The following GPN1 variants were observed in gnomAD, a reference collection of about 807,000 sequenced individuals.
GPN1 encodes the protein ATP(GTP)-binding protein.
In GPN1, 44 loss-of-function variants were observed where a neutral mutation model predicts 55.9. That is an observed-to-expected ratio of 0.79 (90% CI 0.62 to 1.01). GPN1 has a LOEUF of 1.01. Ranked by LOEUF, GPN1 falls within the 50% of genes least tolerant of loss-of-function variation. The pLI is 0.00. For missense variants in GPN1, 466 were observed against 462.8 expected (o/e 1.01, Z -0.06); for synonymous variants, 179 against 162.5 (o/e 1.10, Z -0.77).
Position 27,631,061 on chromosome 2 carries a change from G to T in GPN1, c.240G>T (p.Met80Ile). Residue 80 changes from methionine (M) to isoleucine (I), a missense_variant, in exon 3 of 14, where the codon ATG becomes ATT. Coordinates refer to ENST00000610189, the MANE Select transcript of GPN1 (RefSeq NM_007266.4). ...ATACTGTAAAGTATAAAGAAGTAAT[G>T]AAACAGTATCCTTTTCCATCTACTT... is the stretch of plus-strand genomic sequence containing the variant. The part of the protein sequence containing the change: ...IRDTVKYKEV[M>I]KQYGLGPNGG... 7.2e-7 allele frequency: 1 copy of T among 1,380,604 alleles called. No individual in the cohort carries two copies. Among genetic ancestry groups the T allele is most frequent in the Non-Finnish European group, 1.0e-6 (1 of 968,980 alleles). 85.5% of individuals were successfully genotyped at this position (1,380,604 alleles called of 1,614,324 possible).
At chr2:27,647,207 C>A (rs1401239308) in intron 12 of GPN1, among the ~76,000 whole-genome samples, 1 of 152,174 alleles carries the variant, frequency 6.6e-6, no homozygotes, top group Non-Finnish European at 1.5e-5. Context: ...CTCATAGGCT[C>A]CTGAAGAGAG....
chr2:27,640,903 A>C (rs1673919645), intron 10 of GPN1, among the ~76,000 whole-genome samples: 1 of 152,174 alleles, frequency 6.6e-6, no homozygotes, highest in Non-Finnish European at 1.5e-5. Flanking sequence ...ACATAATTGT[A>C]TGTTGCACGT....
intron 4 of GPN1, 67 bp from the exon 5 acceptor site, chr2:27,632,566 C>G (rs370155174): frequency 9.2e-7 from 1 of 1,090,894 alleles, no homozygotes; most frequent in East Asian, 2.3e-5. Context: ...GTATGCCACC[C>G]TGGAGAGGGC....
chr2:27,633,579 G>A (rs758308407), intron 5 of GPN1, among the ~76,000 whole-genome samples: 12 of 152,124 alleles, frequency 7.9e-5, no homozygotes, highest in Non-Finnish European at 1.3e-4. Context: ...GGGTTCAAGC[G>A]ATTCTCCTGC....
chr2:27,629,317 G>A, intron 1 of GPN1, 148 bp downstream of exon 1: 1 of 1,490,642 alleles, frequency 6.7e-7, no homozygotes, highest in Non-Finnish European at 9.2e-7. Flanking sequence ...TCCTTCCCCG[G>A]CAAAGCCTCC....
intron 1 of GPN1, chr2:27,629,443 G>T: frequency 6.5e-7 from 1 of 1,538,144 alleles, no homozygotes; most frequent in Non-Finnish European, 8.8e-7. Context: ...TTTCTCGGAG[G>T]CAAGTTACAA....
intron 12 of GPN1, among the ~76,000 whole-genome samples, chr2:27,647,204 G>C (rs961271638): frequency 1.3e-5 from 2 of 152,298 alleles, no homozygotes; most frequent in East Asian, 3.9e-4. Flanking sequence ...AGCCTCATAG[G>C]CTCCTGAAGA....
intron 8 of GPN1, among the ~76,000 whole-genome samples, chr2:27,638,656 A>G (rs1317884680): frequency 1.3e-5 from 2 of 151,864 alleles, no homozygotes; most frequent in East Asian, 3.8e-4. Flanking sequence ...TGGTCCTGGT[A>G]CTTGGCAGTG....
upstream of GPN1, chr2:27,628,847 T>C (rs1163492224): frequency 4.1e-6 from 6 of 1,467,346 alleles, no homozygotes; most frequent in African/African-American, 1.4e-5. Context: ...TCAGCCTTCC[T>C]CTCGCTTGCT....
Position 27,632,675 on chromosome 2 carries a change from G to A in GPN1, c.350+5G>A. The A allele has an allele frequency of 6.4e-7, 1 of 1,570,394 alleles. No homozygotes were observed. Among genetic ancestry groups the A allele is most frequent in the Non-Finnish European group, 8.8e-7 (1 of 1,140,220 alleles). On this transcript the variant is annotated splice_donor_5th_base_variant and intron_variant, in intron 5 of 13. Coordinates refer to ENST00000610189, the MANE Select transcript of GPN1 (RefSeq NM_007266.4). Reference sequence around the variant, plus strand: ...GAAGGCCCAGAACATGTCCAAGTAAGTGATGTCAGTAACACCCATTTATTA... The same window carrying A: ...GAAGGCCCAGAACATGTCCAAGTAAATGATGTCAGTAACACCCATTTATTA...
chr2:27,642,956 T>TACACACACACACACACAC (rs764872511), intron 12 of GPN1, among the ~76,000 whole-genome samples: 901 of 85,666 alleles, frequency 0.011, 8 homozygotes, highest in East Asian at 0.057. Context: ...TATATATATA[T>TACACACACACACACACAC]ATACACACAC....
At chr2:27,644,733 T>G (rs1674137797) in intron 12 of GPN1, among the ~76,000 whole-genome samples, 1 of 148,652 alleles carries the variant, frequency 6.7e-6, no homozygotes, top group Non-Finnish European at 1.5e-5. Flanking sequence ...GTTTTTTTTT[T>G]TTTTTTTTTT....
In GPN1 at chr2:27,643,197, ATT is replaced by A. The variant is rs199697263; in HGVS notation, c.931+690_931+691del. Among the ~76,000 whole-genome samples, 1 of 144,410 alleles carries A rather than the reference ATT, an allele frequency of 6.9e-6. No homozygotes were observed. The allele number at this position is 144,410 out of a possible 152,430, so 94.7% of individuals were successfully genotyped here. ...TCAATTTTTTTTATAATTAAAAAAA[ATT>A]TTTTTTTTTTTACAGTTTGACCTTA... On this transcript the variant is annotated intron_variant, in intron 12 of 13. Transcript: ENST00000610189. This position sits in a 1 kb window ranked among gnomAD's most constrained non-coding sequence, Gnocchi z 4.0.
At position 27,638,944 on chromosome 2, in the gene GPN1, A is replaced by G. The variant is rs72819557; in HGVS notation, c.630A>G (p.Gln210=). The G allele has an allele frequency of 1.9e-6, 3 of 1,613,638 alleles. No homozygotes were observed. Among genetic ancestry groups the G allele is most frequent in the East Asian group, 4.5e-5 (2 of 44,872 alleles). Residue 210 remains glutamine (Q), a synonymous_variant, in exon 9 of 14, where the codon CAA becomes CAG. Transcript: ENST00000610189. The part of the protein sequence containing the change: ...VEWMQDFEAF[Q]DALNQETTYV... ...GGATGCAGGATTTTGAGGCTTTCCA[A>G]GATGCCTTGAATCAAGAGACTACAT...
At chr2:27,632,978 T>C (rs1673606691) in intron 5 of GPN1, among the ~76,000 whole-genome samples, 1 of 152,244 alleles carries the variant, frequency 6.6e-6, no homozygotes, top group African/African-American at 2.4e-5. Context: ...TTAAAGTATC[T>C]GAAATACCTT....
At chr2:27,630,476 A>G (rs1673502076) in intron 2 of GPN1, among the ~76,000 whole-genome samples, 1 of 148,862 alleles carries the variant, frequency 6.7e-6, no homozygotes, top group Non-Finnish European at 1.5e-5. Context: ...TGCAGCCTCA[A>G]CATCCCAGGC....
intron 3 of GPN1, chr2:27,631,360 G>T (rs1673546742): frequency 4.2e-6 from 2 of 472,458 alleles, no homozygotes; most frequent in Non-Finnish European, 7.5e-6. Flanking sequence ...ATCATCTGTT[G>T]GTCACCACCT....
chr2:27,647,392 T>C (rs1271629680), intron 12 of GPN1, among the ~76,000 whole-genome samples: 2 of 152,204 alleles, frequency 1.3e-5, no homozygotes, highest in Admixed American at 1.3e-4. Flanking sequence ...TTGATAACAT[T>C]TCACCCTGTA....
chr2:27,633,937 C>T (rs1192784806), intron 5 of GPN1, among the ~76,000 whole-genome samples: 2 of 152,022 alleles, frequency 1.3e-5, no homozygotes, highest in Non-Finnish European at 1.5e-5. Flanking sequence ...AAAAGAAACC[C>T]CATACTCATT....
Sources: gnomAD v4.1 joint callset for allele counts (sites outside exome capture counted in the v4.1 genomes callset) on GRCh38, gnomAD v4.1.1 for gene constraint, Gnocchi (gnomAD v3.1) non-coding constraint, MANE v1.5 for transcripts, NCBI Gene and HGNC (gene_info 2026-07-23, HGNC 2026-07-21) for gene names.